Variants in RMDN2 observed in about 807,000 individuals in gnomAD.
The protein encoded by RMDN2 is regulator of microtubule dynamics protein 2.
Under a neutral mutation model 52.8 loss-of-function variants are expected in RMDN2, and 61 were observed. The observed-to-expected ratio is 1.16, with a 90% CI of 0.94 to 1.43. RMDN2 has a LOEUF of 1.43. RMDN2 is among the 40% of genes most tolerant of loss of function. RMDN2 has a pLI of 0.00. For missense variants in RMDN2, 592 were observed against 475.3 expected, an observed-to-expected ratio of 1.25 and a Z score of -2.28; for synonymous variants, 180 against 153.1, an observed-to-expected ratio of 1.18 and a Z score of -1.30.
intron 7 of RMDN2, among the ~76,000 whole-genome samples, chr2:37,994,509 C>A (rs1270100090): frequency 6.6e-6 from 1 of 151,992 alleles, no homozygotes; most frequent in African/African-American, 2.4e-5. Context: ...GAAGTGTTTC[C>A]ACATATGTTT....
chr2:38,022,824 GGGT>G (rs1679493261), intron 10 of RMDN2, among the ~76,000 whole-genome samples: 1 of 152,144 alleles, frequency 6.6e-6, no homozygotes, highest in African/African-American at 2.4e-5. Flanking sequence ...AAGCTGAATG[GGGT>G]TAGCTTTTAC....
intron 10 of RMDN2, among the ~76,000 whole-genome samples, chr2:38,042,841 A>G (rs2125290821): frequency 6.6e-6 from 1 of 152,068 alleles, no homozygotes; most frequent in Non-Finnish European, 1.5e-5. Flanking sequence ...TTTTAGCTTT[A>G]TTCCATTATG....
At chr2:38,004,399 A>G (rs1434324071) in intron 10 of RMDN2, among the ~76,000 whole-genome samples, 183 bp downstream of exon 10, 1 of 152,244 alleles carries the variant, frequency 6.6e-6, no homozygotes, top group Non-Finnish European at 1.5e-5. Flanking sequence ...ATGTTTTGAT[A>G]GACATATACA....
intron 10 of RMDN2, among the ~76,000 whole-genome samples, chr2:38,043,674 G>A (rs1681099503): frequency 6.6e-6 from 1 of 151,790 alleles, no homozygotes; most frequent in Non-Finnish European, 1.5e-5. Context: ...CATTTTTGTG[G>A]TTGTCCTATG....
intron 2 of RMDN2, among the ~76,000 whole-genome samples, chr2:37,948,823 G>T (rs1260824282): frequency 6.6e-6 from 1 of 152,100 alleles, no homozygotes; most frequent in East Asian, 1.9e-4. Context: ...GCTTGAATAA[G>T]GTCGGGGGAG....
At chr2:37,981,982 T>C (rs1225882590) in intron 5 of RMDN2, among the ~76,000 whole-genome samples, 1 of 152,142 alleles carries the variant, frequency 6.6e-6, no homozygotes, top group African/African-American at 2.4e-5. Flanking sequence ...TTACATTTGT[T>C]TTCTTTTTCT....
intron 10 of RMDN2, among the ~76,000 whole-genome samples, chr2:38,014,004 C>T (rs552998927): frequency 1.3e-5 from 2 of 151,932 alleles, no homozygotes; most frequent in South Asian, 4.2e-4. Context: ...GTCGGGAGTT[C>T]GAGACCAGCC....
chr2:38,013,969 G>A (rs951953726), intron 10 of RMDN2, among the ~76,000 whole-genome samples: 19 of 152,124 alleles, frequency 1.2e-4, no homozygotes, highest in African/African-American at 7.2e-5. Context: ...CACTTTGGGC[G>A]GCCGAGGCGG....
intron 2 of RMDN2, among the ~76,000 whole-genome samples, chr2:37,942,665 C>G (rs190506037): frequency 1.3e-5 from 2 of 152,082 alleles, no homozygotes; most frequent in Non-Finnish European, 2.9e-5. Flanking sequence ...TCCCTGAAAA[C>G]CAGTACGATC....
chr2:37,962,678 C>T (rs1289335849), intron 2 of RMDN2, among the ~76,000 whole-genome samples: 2 of 152,114 alleles, frequency 1.3e-5, no homozygotes, highest in Non-Finnish European at 2.9e-5. Flanking sequence ...CTGGCTTTTG[C>T]CTCCTTTCCC....
intron 5 of RMDN2, among the ~76,000 whole-genome samples, chr2:37,982,017 A>G (rs1295892513): frequency 6.6e-6 from 1 of 152,094 alleles, no homozygotes; most frequent in Non-Finnish European, 1.5e-5. Context: ...CTCTCCAGCA[A>G]TACAGGTGCC....
At chr2:37,989,466 A>C in intron 5 of RMDN2, 75 bp from the exon 6 acceptor site, 1 of 875,756 alleles carries the variant, frequency 1.1e-6, no homozygotes, top group African/African-American at 1.7e-5. Context: ...GTTTCTTTTA[A>C]TGTTATGTTT....
At chr2:37,975,814 ACT>A (rs1456420730) in intron 4 of RMDN2, among the ~76,000 whole-genome samples, 1 of 152,210 alleles carries the variant, frequency 6.6e-6, no homozygotes, top group African/African-American at 2.4e-5. Flanking sequence ...AAAAATGTAC[ACT>A]CTCAGAACAG....
chr2:37,938,292 T>G (rs185695299), intron 2 of RMDN2, among the ~76,000 whole-genome samples: 1 of 152,318 alleles, frequency 6.6e-6, no homozygotes, highest in Non-Finnish European at 1.5e-5. Context: ...CTGGATTTGG[T>G]TTGCCAGTAT....
intron 10 of RMDN2, among the ~76,000 whole-genome samples, chr2:38,042,036 T>G (rs958300678): frequency 4.6e-5 from 7 of 152,210 alleles, no homozygotes; most frequent in African/African-American, 1.4e-4. Context: ...ATTTTTTCTT[T>G]GACTGTCTGG....
chr2:37,931,167 C>CA (rs1666708739), intron 2 of RMDN2, among the ~76,000 whole-genome samples: 1 of 152,200 alleles, frequency 6.6e-6, no homozygotes, highest in Non-Finnish European at 1.5e-5. Context: ...CTAGAGCTAT[C>CA]ATTTGTGGCT....
At chr2:37,979,209 G>T (rs1672978703) in intron 4 of RMDN2, among the ~76,000 whole-genome samples, 1 of 152,186 alleles carries the variant, frequency 6.6e-6, no homozygotes, top group South Asian at 2.1e-4. Context: ...TCAAGGAACA[G>T]TGTGAAAACG....
Position 37,929,414 on chromosome 2 carries a change from G to A in RMDN2, c.137G>A (p.Gly46Asp), listed in dbSNP as rs747954617. 30 of 1,551,262 alleles carry A rather than the reference G, an allele frequency of 1.9e-5. No homozygotes were observed. The South Asian group carries it at 3.4e-4, about 18-fold the overall frequency. Reference sequence around the variant, plus strand: ...AAGTTACCTGAATTTCTTTCTCTGGGTAATACATTTAATTCAATAACTTTG... The same window carrying A: ...AAGTTACCTGAATTTCTTTCTCTGGATAATACATTTAATTCAATAACTTTG... Reference protein sequence around the residue: ...AMKLPEFLSLGNTFNSITLQD... With the variant: ...AMKLPEFLSLDNTFNSITLQD... Residue 46 changes from glycine to aspartate, a missense_variant, in exon 2 of 11, where the codon GGT becomes GAT. Transcript: ENST00000354545.
chr2:38,022,524 C>T (rs1163217051), downstream of RMDN2, among the ~76,000 whole-genome samples: 1 of 152,232 alleles, frequency 6.6e-6, no homozygotes, highest in Non-Finnish European at 1.5e-5. Context: ...TCGTGTACAA[C>T]TTTGGAAAGC....
Sources: allele counts gnomAD v4.1 joint callset (sites outside exome capture counted in the v4.1 genomes callset), GRCh38; gene constraint gnomAD v4.1.1; transcripts MANE v1.5; gene names NCBI Gene and HGNC (gene_info 2026-07-23, HGNC 2026-07-21).